BICD2: variants seen among roughly 807,000 people sequenced by gnomAD.
BICD2 encodes the protein BICD cargo adaptor 2, also known as protein bicaudal D homolog 2.
Under a neutral mutation model 72.9 loss-of-function variants are expected in BICD2, and 25 were observed. That is an observed-to-expected ratio of 0.34 (90% CI 0.25 to 0.48). The LOEUF (loss-of-function observed/expected upper bound fraction) is 0.48. Ranked by LOEUF, BICD2 falls within the 20% of genes least tolerant of loss-of-function variation. BICD2 has a pLI of 0.99. For missense variants in BICD2, 894 were observed against 1,175.2 expected (o/e 0.76, Z 3.50); for synonymous variants, 501 against 516.1 (o/e 0.97, Z 0.40).
intron 1 of BICD2, among the ~76,000 whole-genome samples, chr9:92,743,825 G>C (rs750139999): frequency 1.3e-5 from 2 of 152,144 alleles, no homozygotes; most frequent in Admixed American, 6.5e-5. Flanking sequence ...CACCCAAGAA[G>C]AACATTGGAA....
intron 1 of BICD2, among the ~76,000 whole-genome samples, chr9:92,752,449 T>G (rs566652645): frequency 1.3e-5 from 2 of 152,142 alleles, no homozygotes; most frequent in African/African-American, 4.8e-5. Context: ...TGAGGTAATG[T>G]TGGATTATAA....
chr9:92,728,600 GTTC>G (rs1400126397), intron 2 of BICD2, among the ~76,000 whole-genome samples: 2 of 152,238 alleles, frequency 1.3e-5, no homozygotes, highest in Non-Finnish European at 2.9e-5. Flanking sequence ...TGGGGTTTGT[GTTC>G]TTATTACAGC....
chr9:92,757,974 C>A (rs1217146455), intron 1 of BICD2, among the ~76,000 whole-genome samples: 1 of 151,744 alleles, frequency 6.6e-6, no homozygotes, highest in Non-Finnish European at 1.5e-5. Flanking sequence ...GAGGCTGAGG[C>A]GAGTGGATCA....
At chr9:92,749,449 G>C (rs1854100834) in intron 1 of BICD2, among the ~76,000 whole-genome samples, 1 of 152,172 alleles carries the variant, frequency 6.6e-6, no homozygotes, top group Non-Finnish European at 1.5e-5. Context: ...CCCACACAGG[G>C]AACACTGTAG....
At chr9:92,761,702 C>T (rs745880231) in intron 1 of BICD2, among the ~76,000 whole-genome samples, 1 of 152,218 alleles carries the variant, frequency 6.6e-6, no homozygotes, top group Non-Finnish European at 1.5e-5. Context: ...CTCACGGCCA[C>T]GCAGGACCAG....
intron 1 of BICD2, among the ~76,000 whole-genome samples, chr9:92,762,697 G>A (rs1315382806): frequency 6.6e-6 from 1 of 152,164 alleles, no homozygotes; most frequent in Non-Finnish European, 1.5e-5. Flanking sequence ...ACAAATGAAG[G>A]GCACCAAAGC....
chr9:92,750,692 G>A (rs1854128472), intron 1 of BICD2, among the ~76,000 whole-genome samples: 1 of 151,952 alleles, frequency 6.6e-6, no homozygotes, highest in African/African-American at 2.4e-5. Context: ...AAACTATTCT[G>A]TATGATCCTG....
chr9:92,738,689 G>C (rs982689072), intron 1 of BICD2, among the ~76,000 whole-genome samples: 6 of 152,150 alleles, frequency 3.9e-5, no homozygotes, highest in Admixed American at 3.9e-4. Flanking sequence ...CTGGGCTCTG[G>C]CTCCCTGGAG....
intron 1 of BICD2, among the ~76,000 whole-genome samples, chr9:92,738,604 C>T (rs767403217): frequency 1.9e-4 from 29 of 152,210 alleles, no homozygotes; most frequent in Non-Finnish European, 3.7e-4. Context: ...CTTCAGTCTC[C>T]GGACAAACCT....
In BICD2 at chr9:92,748,934, T is replaced by C. The variant is rs150089028; in HGVS notation, c.240+15571A>G. 9.0e-3 allele frequency among the ~76,000 whole-genome samples: 1,371 copies of C among 151,862 alleles called. 23 individuals carry two copies. The highest frequency in any genetic ancestry group is 0.032 in the African/African-American group (1,323 of 41,356). ...GACCATAAGGCTTCTCACTCCAAAA[T>C]CCATTTTTCTTCTTTGCAGCAGGGT... On this transcript the variant is annotated intron_variant, in intron 1 of 6. Coordinates refer to ENST00000356884, the MANE Select transcript of BICD2 (RefSeq NM_001003800.2).
intron 1 of BICD2, among the ~76,000 whole-genome samples, chr9:92,744,494 A>G (rs564605237): frequency 6.6e-6 from 1 of 152,312 alleles, no homozygotes; most frequent in African/African-American, 2.4e-5. Flanking sequence ...TATAGTTTCC[A>G]TATTTACCTT....
chr9:92,746,527 G>A (rs1316981373), intron 1 of BICD2, among the ~76,000 whole-genome samples: 3 of 129,908 alleles, frequency 2.3e-5, no homozygotes, highest in East Asian at 3.1e-4. Context: ...GTGAGACTCC[G>A]TCTCCAAAAA....
intron 1 of BICD2, among the ~76,000 whole-genome samples, chr9:92,747,043 C>G (rs1216347280): frequency 6.6e-6 from 1 of 152,230 alleles, no homozygotes; most frequent in East Asian, 1.9e-4. Flanking sequence ...CTCTGTCTCA[C>G]AGTGAACCAC....
intron 1 of BICD2, among the ~76,000 whole-genome samples, chr9:92,757,960 T>C (rs1854294628): frequency 6.6e-6 from 1 of 152,024 alleles, no homozygotes; most frequent in African/African-American, 2.4e-5. Context: ...TCCCAGCACT[T>C]TGGGAGGCTG....
At chr9:92,755,151 C>T (rs1347726806) in intron 1 of BICD2, among the ~76,000 whole-genome samples, 1 of 152,202 alleles carries the variant, frequency 6.6e-6, no homozygotes, top group Non-Finnish European at 1.5e-5. Context: ...ATACCTGTCT[C>T]TTATGGTCGA....
chr9:92,756,019 GA>G (rs1854247736), intron 1 of BICD2, among the ~76,000 whole-genome samples: 1 of 152,336 alleles, frequency 6.6e-6, no homozygotes, highest in East Asian at 1.9e-4. Flanking sequence ...ATGCTAGTAA[GA>G]GTATGAGTGG....
intron 2 of BICD2, among the ~76,000 whole-genome samples, chr9:92,725,210 C>T (rs777974328): frequency 9.2e-5 from 14 of 152,230 alleles, no homozygotes; most frequent in Non-Finnish European, 1.9e-4. Flanking sequence ...CATGTGAGTC[C>T]TCAGGGTCCT....
intron 1 of BICD2, among the ~76,000 whole-genome samples, chr9:92,729,442 A>T (rs1249179071): frequency 1.3e-5 from 2 of 152,266 alleles, no homozygotes; most frequent in Non-Finnish European, 2.9e-5. Flanking sequence ...AGCTGCACCC[A>T]AGGTTCATCT....
intron 1 of BICD2, among the ~76,000 whole-genome samples, chr9:92,748,347 A>G (rs972640613): frequency 2.0e-5 from 3 of 152,144 alleles, no homozygotes; most frequent in Non-Finnish European, 4.4e-5. Flanking sequence ...TGTAAACTGC[A>G]ATGACAGGAT....
Sources: gnomAD v4.1 joint callset for allele counts (sites outside exome capture counted in the v4.1 genomes callset) on GRCh38, gnomAD v4.1.1 for gene constraint, MANE v1.5 for transcripts, NCBI Gene and HGNC (gene_info 2026-07-23, HGNC 2026-07-21) for gene names.